The following KIAA1217 variants were observed in gnomAD, a reference collection of about 807,000 sequenced individuals.
KIAA1217 encodes the protein sickle tail protein homolog.
In KIAA1217, 88 loss-of-function variants were observed where a neutral mutation model predicts 163.9. That is an observed-to-expected ratio of 0.54 (90% CI 0.45 to 0.64). KIAA1217 has a LOEUF of 0.64. Among genes scored for constraint, KIAA1217 ranks in the 30% least tolerant of loss-of-function variants. The pLI, the probability that KIAA1217 is intolerant of heterozygous loss-of-function variation, is 0.00. For synonymous variants in KIAA1217, 903 were observed against 923.1 expected (o/e 0.98, Z 0.39); for missense variants, 2,372 against 2,475.0 (o/e 0.96, Z 0.88).
Position 23,927,259 on chromosome 10 carries a change from A to G in KIAA1217, c.-320-79966A>G, listed in dbSNP as rs542204709. On this transcript the variant is annotated intron_variant, in intron 1 of 18. Transcript: ENST00000376462. Reference sequence around the variant, plus strand: ...TTTTAACTGCCTGAAAATTTTTACTATAAGTTATTTCTGTTCCAGCAGTAG... The same window carrying G: ...TTTTAACTGCCTGAAAATTTTTACTGTAAGTTATTTCTGTTCCAGCAGTAG... Among the ~76,000 whole-genome samples the G allele has an allele frequency of 9.2e-5, 14 of 151,602 alleles. No homozygotes were observed. The South Asian group carries it at 1.7e-3, about 18-fold the overall frequency.
chr10:24,113,721 G>A (rs1419666497), intron 2 of KIAA1217, among the ~76,000 whole-genome samples: 2 of 152,174 alleles, frequency 1.3e-5, no homozygotes, highest in Non-Finnish European at 2.9e-5. Flanking sequence ...GTCCACTCTT[G>A]TATCTCACCA....
At chr10:24,130,294 C>G (rs1196454816) in intron 2 of KIAA1217, among the ~76,000 whole-genome samples, 1 of 152,124 alleles carries the variant, frequency 6.6e-6, no homozygotes, top group Non-Finnish European at 1.5e-5. Flanking sequence ...CTACTAGCTT[C>G]AAATGTATTA....
chr10:23,976,151 G>A (rs12767893), intron 1 of KIAA1217, among the ~76,000 whole-genome samples: 6 of 152,190 alleles, frequency 3.9e-5, no homozygotes, highest in Non-Finnish European at 7.4e-5. Flanking sequence ...ATAGAACCCC[G>A]CAGATCAGTG....
chr10:24,302,452 C>T (rs1036765776), intron 2 of KIAA1217, among the ~76,000 whole-genome samples: 2 of 152,138 alleles, frequency 1.3e-5, no homozygotes, highest in South Asian at 2.1e-4. Context: ...ATGTGTTGCT[C>T]TTTTATGAGT....
chr10:23,819,648 A>C (rs962933144), intron 1 of KIAA1217, among the ~76,000 whole-genome samples: 1 of 152,198 alleles, frequency 6.6e-6, no homozygotes, highest in Non-Finnish European at 1.5e-5. Context: ...TCAAGCAAAA[A>C]GTTTTGCCCA....
intron 1 of KIAA1217, among the ~76,000 whole-genome samples, chr10:23,879,858 A>G (rs746649855): frequency 6.6e-6 from 1 of 151,916 alleles, no homozygotes; most frequent in African/African-American, 2.4e-5. Context: ...GAATTGATGG[A>G]ACAATCCCCT....
At chr10:24,383,489 G>GCGGGTGTTTTCGCA (rs2053592380) in intron 3 of KIAA1217, among the ~76,000 whole-genome samples, 1 of 152,224 alleles carries the variant, frequency 6.6e-6, no homozygotes, top group African/African-American at 2.4e-5. Flanking sequence ...GCTGAGGGTG[G>GCGGGTGTTTTCGCA]CGGGTGTTTT....
At chr10:24,136,745 T>G (rs1306496258) in intron 2 of KIAA1217, among the ~76,000 whole-genome samples, 1 of 152,218 alleles carries the variant, frequency 6.6e-6, no homozygotes, top group Non-Finnish European at 1.5e-5. Flanking sequence ...AACAACATAT[T>G]TTGAGTCTGG....
At chr10:24,068,493 T>G (rs143742937) in intron 2 of KIAA1217, among the ~76,000 whole-genome samples, 1 of 152,342 alleles carries the variant, frequency 6.6e-6, no homozygotes, top group East Asian at 1.9e-4. Flanking sequence ...TTTATCTTGT[T>G]TCTTAGTTTG....
rs56116322 is a variant in KIAA1217, at chr10:24,061,471, A to G, written c.-171+54097A>G. On this transcript the variant is annotated intron_variant, in intron 2 of 18. Transcript: ENST00000376462. ...GTATTCTCTATTTGACTATATATTTACCTTTACCAGTGATTTTTCTACTTT... is the reference window on the plus strand; with the variant it reads ...GTATTCTCTATTTGACTATATATTTGCCTTTACCAGTGATTTTTCTACTTT... 3.9e-3 allele frequency among the ~76,000 whole-genome samples: 599 copies of G among 152,282 alleles called. 1 individual carries two copies. Among genetic ancestry groups the G allele is most frequent in the African/African-American group, 0.013 (553 of 41,568 alleles).
chr10:24,063,943 G>C (rs1243498216), intron 2 of KIAA1217, among the ~76,000 whole-genome samples: 3 of 152,134 alleles, frequency 2.0e-5, no homozygotes, highest in Non-Finnish European at 4.4e-5. Flanking sequence ...CTCTCTGTTT[G>C]TCTGTTATTG....
intron 2 of KIAA1217, among the ~76,000 whole-genome samples, chr10:24,065,965 C>T (rs985539708): frequency 1.3e-5 from 2 of 151,950 alleles, no homozygotes; most frequent in Non-Finnish European, 2.9e-5. Context: ...GGATTGTAAC[C>T]CCTGCCTTTT....
chr10:23,833,587 A>G (rs570463172), intron 1 of KIAA1217, among the ~76,000 whole-genome samples: 1 of 152,112 alleles, frequency 6.6e-6, no homozygotes, highest in East Asian at 1.9e-4. Flanking sequence ...ACAGTCTAAC[A>G]TCACACTTCA....
chr10:24,047,089 T>G (rs1212040804), intron 2 of KIAA1217, among the ~76,000 whole-genome samples: 1 of 152,208 alleles, frequency 6.6e-6, no homozygotes, highest in Non-Finnish European at 1.5e-5. Context: ...ATTTCAGAGT[T>G]AATAAATGCA....
intron 1 of KIAA1217, among the ~76,000 whole-genome samples, chr10:23,987,500 G>T (rs1846031314): frequency 6.7e-6 from 1 of 149,366 alleles, no homozygotes; most frequent in African/African-American, 2.5e-5. Context: ...CACTTTAATT[G>T]ACAAAACTTA....
chr10:24,297,714 C>A (rs987116214), intron 2 of KIAA1217, among the ~76,000 whole-genome samples: 13 of 152,038 alleles, frequency 8.6e-5, no homozygotes, highest in Admixed American at 8.5e-4. Flanking sequence ...TGAGATCATG[C>A]CACTGCATTC....
At chr10:24,312,988 T>G (rs1221287603) in intron 2 of KIAA1217, among the ~76,000 whole-genome samples, 1 of 152,128 alleles carries the variant, frequency 6.6e-6, no homozygotes. Context: ...TAGGACTCAA[T>G]GAGCAATTCT....
intron 1 of KIAA1217, among the ~76,000 whole-genome samples, chr10:23,820,817 C>A (rs1294541163): frequency 1.3e-5 from 2 of 152,084 alleles, no homozygotes; most frequent in African/African-American, 4.8e-5. Context: ...TTGGATGGCA[C>A]TCATGTAGAA....
At position 24,445,959 on chromosome 10, in the gene KIAA1217, A is replaced by G. The variant is rs554289868; in HGVS notation, c.846+7480A>G. ...TAGATCCCTGAGGAATCGCCACACC[A>G]ACTTCCACAATGGTTGAACTAGTTT... On this transcript the variant is annotated intron_variant, in intron 5 of 20. Coordinates refer to ENST00000376454, the MANE Select transcript of KIAA1217 (RefSeq NM_019590.5). Among the ~76,000 whole-genome samples, 34 of 152,268 alleles carry G rather than the reference A, an allele frequency of 2.2e-4. No homozygotes were observed. The East Asian group carries it at 2.3e-3, about 10-fold the overall frequency.
Sources: allele counts gnomAD v4.1 joint callset (sites outside exome capture counted in the v4.1 genomes callset), GRCh38; gene constraint gnomAD v4.1.1; transcripts MANE v1.5; gene names NCBI Gene and HGNC (gene_info 2026-07-23, HGNC 2026-07-21).